Variants in AFAP1L2 observed in about 807,000 individuals in gnomAD.
AFAP1L2 encodes actin filament associated protein 1 like 2.
A neutral mutation model predicts 99.3 loss-of-function variants in AFAP1L2; 46 were observed. The ratio of observed to expected loss-of-function variants is 0.46; its 90% CI spans 0.37 to 0.59. The LOEUF (loss-of-function observed/expected upper bound fraction) is 0.59. Among genes scored for constraint, AFAP1L2 ranks in the 20% least tolerant of loss-of-function variants. AFAP1L2 has a pLI of 0.00. For synonymous variants in AFAP1L2, 397 were observed against 419.1 expected, an observed-to-expected ratio of 0.95 and a Z score of 0.64; for missense variants, 959 against 1,034.9, an observed-to-expected ratio of 0.93 and a Z score of 1.01.
chr10:114,351,178 AT>A lies in AFAP1L2; in HGVS notation c.17-10448del, dbSNP rs369102599. Among the ~76,000 whole-genome samples, 38 of 152,286 alleles carry A rather than the reference AT, an allele frequency of 2.5e-4. No individual in the cohort carries two copies. In the South Asian group the frequency reaches 7.7e-3, roughly 31 times the overall value. On this transcript the variant is annotated intron_variant, in intron 1 of 18. Transcript: ENST00000304129. ...AGAAGGCTGGAAAATGATAACAGCA[AT>A]TATCTTTTGGTGGAGGGGCTATGGG...
intron 1 of AFAP1L2, 145 bp downstream of exon 1, chr10:114,404,295 C>T (rs921674185): frequency 2.3e-5 from 22 of 965,652 alleles, no homozygotes; most frequent in Non-Finnish European, 4.7e-6. Context: ...CCGCTGTCGC[C>T]CCCTCTTAGG....
chr10:114,317,693 T>C (rs1044653746), intron 5 of AFAP1L2, among the ~76,000 whole-genome samples: 16 of 151,964 alleles, frequency 1.1e-4, no homozygotes, highest in Middle Eastern at 3.4e-3. Context: ...ACCCCATCTC[T>C]AAAAAAAATA....
intron 1 of AFAP1L2, among the ~76,000 whole-genome samples, chr10:114,378,284 A>T (rs1412306907): frequency 6.6e-6 from 1 of 152,220 alleles, no homozygotes; most frequent in Non-Finnish European, 1.5e-5. Context: ...AGTCAGGGGC[A>T]AAACTGTGTC....
At chr10:114,402,894 G>A (rs978797224) in intron 1 of AFAP1L2, among the ~76,000 whole-genome samples, 1 of 152,282 alleles carries the variant, frequency 6.6e-6, no homozygotes, top group South Asian at 2.1e-4. Context: ...GAGCTGGAAG[G>A]CACCCCAGAG....
the AFAP1L2 span, chr10:114,282,467 TC>T: frequency 6.8e-7 from 1 of 1,465,786 alleles, no homozygotes; most frequent in Non-Finnish European, 9.6e-7. Context: ...TTTTCTGCCC[TC>T]CCCTTACACC....
chr10:114,304,925 G>C lies in AFAP1L2; in HGVS notation c.1078C>G (p.Leu360Val). 6.2e-7 allele frequency: 1 copy of C among 1,612,850 alleles called. No homozygotes were observed. Among genetic ancestry groups the C allele is most frequent in the Non-Finnish European group, 8.5e-7 (1 of 1,179,908 alleles). Residue 360 changes from leucine to valine, a missense_variant, in exon 11 of 19, where the codon CTG becomes GTG. Leu to Val is a conservative substitution (Grantham distance 32, BLOSUM62 1). Around this residue, in one of 2 missense-constraint regions of AFAP1L2, gnomAD observed 383 missense variants for 472.8 expected, o/e 0.81. Coordinates refer to ENST00000304129, the MANE Select transcript of AFAP1L2 (RefSeq NM_001001936.3). ...VERSLETSSY[L>V]NVLVNSQWKS... is the part of the protein sequence containing the mutation. ...CACTGGCTGTTCACCAGCACGTTCA[G>C]GTAACCTGCAGGAGGAAGTGCAGAT...
In AFAP1L2 at chr10:114,297,394, G is replaced by A. The variant is rs2040421948; in HGVS notation, c.2133C>T (p.Ser711=). The stretch of plus-strand genomic sequence containing the variant: ...CAATTTCCTTCAGCTTCTGCTCCAG[G>A]CTCGCCAGGACTTCCTTGTCTGGAG... ...LKCTDKEVLA[S]LEQKLKEIDE... is the part of the protein sequence containing the mutation. The change falls in exon 17 of 19, where the codon AGC becomes AGT. Residue 711 remains serine (S), a synonymous_variant. Coordinates refer to ENST00000304129, the MANE Select transcript of AFAP1L2 (RefSeq NM_001001936.3). The A allele has an allele frequency of 6.2e-7, 1 of 1,613,122 alleles. No homozygotes were observed. Among genetic ancestry groups the A allele is most frequent in the African/African-American group, 1.3e-5 (1 of 75,036 alleles).
intron 4 of AFAP1L2, among the ~76,000 whole-genome samples, chr10:114,327,035 C>T (rs1229370127): frequency 6.7e-6 from 1 of 148,958 alleles, no homozygotes; most frequent in Non-Finnish European, 1.5e-5. Flanking sequence ...ACACAGTGAC[C>T]TATTATCAGA....
chr10:114,400,684 C>T (rs1348290717), intron 1 of AFAP1L2, among the ~76,000 whole-genome samples: 1 of 152,112 alleles, frequency 6.6e-6, no homozygotes, highest in African/African-American at 2.4e-5. Context: ...ATCTTTTTTG[C>T]TCTTTTGACA....
At chr10:114,359,196 G>A (rs4144105) in intron 1 of AFAP1L2, among the ~76,000 whole-genome samples, 134,551 of 152,230 alleles carry the variant, frequency 0.88, 61,170 homozygotes, top group East Asian at 1. Context: ...ACACTTGACA[G>A]GTTTATGAGC....
chr10:114,383,687 T>C (rs2056050656), intron 1 of AFAP1L2, among the ~76,000 whole-genome samples: 1 of 152,216 alleles, frequency 6.6e-6, no homozygotes, highest in Non-Finnish European at 1.5e-5. Flanking sequence ...TAACTCCATC[T>C]GAAAAACCAA....
Position 114,300,235 on chromosome 10 carries a change from G to A in AFAP1L2, c.1916C>T (p.Ala639Val). Reference protein sequence around the residue: ...PDAVVATPPGASPPVKDRLRV... With the variant: ...PDAVVATPPGVSPPVKDRLRV... Reference sequence around the variant, plus strand: ...CAACCTGTCCTTCACAGGTGGGCTGGCACCAGGTGGGGTGGCCACCACGGC... The same window carrying A: ...CAACCTGTCCTTCACAGGTGGGCTGACACCAGGTGGGGTGGCCACCACGGC... The change falls in exon 15 of 19, where the codon GCC (alanine) becomes GTC (valine). Residue 639 changes from alanine to valine, a missense_variant. Around this residue, in one of 2 missense-constraint regions of AFAP1L2, gnomAD observed 576 missense variants for 562.1 expected, o/e 1.02. Coordinates refer to ENST00000304129, the MANE Select transcript of AFAP1L2 (RefSeq NM_001001936.3). The A allele has an allele frequency of 3.1e-6, 5 of 1,614,140 alleles. No individual in the cohort carries two copies. The highest frequency in any genetic ancestry group is 4.2e-6 in the Non-Finnish European group (5 of 1,180,018).
At chr10:114,403,384 C>G (rs1479641473) in intron 1 of AFAP1L2, among the ~76,000 whole-genome samples, 2 of 152,204 alleles carry the variant, frequency 1.3e-5, no homozygotes, top group Non-Finnish European at 2.9e-5. Flanking sequence ...ATGTCAGTTT[C>G]AGGGATCAGA....
intron 1 of AFAP1L2, among the ~76,000 whole-genome samples, chr10:114,366,624 C>G (rs947916781): frequency 2.0e-4 from 30 of 152,110 alleles, no homozygotes; most frequent in Non-Finnish European, 4.4e-5. Context: ...TAAGAAGAAA[C>G]CTACCAGTTC....
At position 114,299,293 on chromosome 10, in the gene AFAP1L2, G is replaced by A. The variant is rs751236459; in HGVS notation, c.2080C>T (p.Arg694Trp). The A allele has an allele frequency of 5.0e-6, 8 of 1,614,242 alleles. No homozygotes were observed. Among genetic ancestry groups the A allele is most frequent in the Admixed American group, 1.7e-5 (1 of 60,028 alleles). Residue 694 changes from arginine (R) to tryptophan (W), a missense_variant, in exon 16 of 19, where the codon CGG (arginine) becomes TGG (tryptophan). Transcript: ENST00000304129. The part of the protein sequence containing the change: ...GHLAQLRKEK[R>W]ELKETLLKCT... ...TTCAGTAGGGTTTCCTTTAGCTCCCGTTTCTCTTTCCGGAGCTGAGCCAGG... is the reference window on the plus strand; with the variant it reads ...TTCAGTAGGGTTTCCTTTAGCTCCCATTTCTCTTTCCGGAGCTGAGCCAGG...
chr10:114,360,514 T>C (rs1226753829), intron 1 of AFAP1L2, among the ~76,000 whole-genome samples: 3 of 102,152 alleles, frequency 2.9e-5, no homozygotes, highest in Non-Finnish European at 6.3e-5. Context: ...GATAGTTAGA[T>C]AGATAGATAG....
rs138068712 is a variant in AFAP1L2, at chr10:114,335,753, T to C, written c.146-2458A>G. ...ACAAAGATACCCAAGACCTAGAGTT[T>C]AATTATAAGATCATGTTTCAGAATA... On this transcript the variant is annotated intron_variant, in intron 2 of 18. Transcript: ENST00000304129. Among the ~76,000 whole-genome samples, 1,113 of 152,322 alleles carry C rather than the reference T, an allele frequency of 7.3e-3. 12 individuals carry two copies. The highest frequency in any genetic ancestry group is 0.023 in the South Asian group (113 of 4,826).
intron 1 of AFAP1L2, among the ~76,000 whole-genome samples, chr10:114,356,750 C>T (rs906091855): frequency 5.3e-5 from 8 of 152,102 alleles, no homozygotes; most frequent in Admixed American, 1.3e-4. Flanking sequence ...AACCCAATTT[C>T]GAGTAGTTTT....
chr10:114,380,800 G>T (rs747023929), intron 1 of AFAP1L2, among the ~76,000 whole-genome samples: 3 of 152,192 alleles, frequency 2.0e-5, no homozygotes, highest in Non-Finnish European at 4.4e-5. Flanking sequence ...TTGGACCCTT[G>T]TATCATACAA....
Sources: allele counts gnomAD v4.1 joint callset (sites outside exome capture counted in the v4.1 genomes callset), GRCh38; gene constraint gnomAD v4.1.1; regional missense constraint gnomAD v4.1.1; transcripts MANE v1.5; gene names NCBI Gene and HGNC (gene_info 2026-07-23, HGNC 2026-07-21).